VAV2: variants seen among roughly 807,000 people sequenced by gnomAD.
VAV2 encodes guanine nucleotide exchange factor VAV2.
A neutral mutation model predicts 132.5 loss-of-function variants in VAV2; 67 were observed. The ratio of observed to expected loss-of-function variants is 0.51; its 90% CI spans 0.42 to 0.62. VAV2 has a LOEUF of 0.62. Among genes scored for constraint, VAV2 ranks in the 20% least tolerant of loss-of-function variants. VAV2 has a pLI of 0.00. For missense variants in VAV2, 938 were observed against 1,153.6 expected, an observed-to-expected ratio of 0.81 and a Z score of 2.71; for synonymous variants, 492 against 443.5, an observed-to-expected ratio of 1.11 and a Z score of -1.37.
intron 2 of VAV2, among the ~76,000 whole-genome samples, chr9:133,925,591 A>G (rs922461413): frequency 4.6e-5 from 7 of 152,202 alleles, no homozygotes; most frequent in African/African-American, 1.7e-4. Flanking sequence ...CCAGGGGCAG[A>G]GTGGCCAAGG....
intron 26 of VAV2, among the ~76,000 whole-genome samples, chr9:133,771,429 G>C (rs546110481): frequency 2.0e-4 from 31 of 152,260 alleles, no homozygotes; most frequent in Admixed American, 4.6e-4. Context: ...CTAAGAGCCT[G>C]GGGGCTCTAA....
chr9:133,953,352 G>T (rs1461376638), intron 1 of VAV2, among the ~76,000 whole-genome samples: 1 of 152,216 alleles, frequency 6.6e-6, no homozygotes, highest in Non-Finnish European at 1.5e-5. Context: ...GGGATGAATG[G>T]GCACACAATG....
At chr9:133,973,234 G>GCCCAGCGCTCAGCCCGC (rs1319204438) in intron 1 of VAV2, among the ~76,000 whole-genome samples, 5 of 152,158 alleles carry the variant, frequency 3.3e-5, no homozygotes, top group African/African-American at 1.2e-4. Context: ...GGCCCGCCTG[G>GCCCAGCGCTCAGCCCGC]CCCAGCGCTC....
intron 1 of VAV2, among the ~76,000 whole-genome samples, chr9:133,941,558 T>C (rs1412530908): frequency 6.7e-6 from 1 of 149,030 alleles, no homozygotes; most frequent in Non-Finnish European, 1.5e-5. Flanking sequence ...CTGTTAATTC[T>C]GAAGAATACA....
intron 2 of VAV2, among the ~76,000 whole-genome samples, chr9:133,894,536 C>T (rs533672009): frequency 2.4e-4 from 36 of 152,188 alleles, no homozygotes; most frequent in African/African-American, 6.0e-4. Flanking sequence ...CTGCACAAGG[C>T]GGCTGTTGGG....
At chr9:133,864,277 A>G (rs1005375556) in intron 2 of VAV2, among the ~76,000 whole-genome samples, 1 of 152,188 alleles carries the variant, frequency 6.6e-6, no homozygotes, top group Non-Finnish European at 1.5e-5. Context: ...AGGAAAGACA[A>G]GAGGAATGAT....
chr9:133,776,478 G>A (rs1037607391), intron 23 of VAV2, among the ~76,000 whole-genome samples: 4 of 152,168 alleles, frequency 2.6e-5, no homozygotes, highest in Admixed American at 6.5e-5. Context: ...AGGTGCTGCC[G>A]CTCCAGTGAG....
intron 4 of VAV2, among the ~76,000 whole-genome samples, chr9:133,830,158 CAG>C (rs1368683302): frequency 6.6e-6 from 1 of 152,194 alleles, no homozygotes; most frequent in Non-Finnish European, 1.5e-5. Context: ...CAAACAGCTG[CAG>C]AGTGTCTGGG....
At chr9:133,815,058 C>T (rs1307609756) in intron 4 of VAV2, among the ~76,000 whole-genome samples, 3 of 152,076 alleles carry the variant, frequency 2.0e-5, no homozygotes, top group African/African-American at 7.2e-5. Context: ...CATCTGGAGC[C>T]CAAACATATT....
intron 1 of VAV2, among the ~76,000 whole-genome samples, chr9:133,953,573 T>G (rs1318229159): frequency 6.6e-6 from 1 of 152,026 alleles, no homozygotes; most frequent in Non-Finnish European, 1.5e-5. Context: ...GGAAGCAAAG[T>G]CCCCAGAGGG....
intron 1 of VAV2, among the ~76,000 whole-genome samples, chr9:133,984,249 C>T (rs1842785310): frequency 1.3e-5 from 2 of 152,070 alleles, no homozygotes; most frequent in Admixed American, 1.3e-4. Flanking sequence ...GCTGGGATTA[C>T]AGGCGTGAGC....
In VAV2 at chr9:133,838,167, G is replaced by A. The variant is rs115988916; in HGVS notation, c.381-3827C>T. ...GCCCTCCATGCCCATGCTACCTCTG[G>A]CCTTTGTACCTGCTCTGCTCTCTGC... is the stretch of plus-strand genomic sequence containing the variant. On this transcript the variant is annotated intron_variant, in intron 3 of 29. Transcript: ENST00000371850. 8.0e-3 allele frequency among the ~76,000 whole-genome samples: 1,215 copies of A among 152,026 alleles called. 14 individuals carry two copies. Among genetic ancestry groups the A allele is most frequent in the African/African-American group, 0.027 (1,133 of 41,444 alleles).
At chr9:133,987,792 G>A (rs886735789) in intron 1 of VAV2, among the ~76,000 whole-genome samples, 2 of 152,236 alleles carry the variant, frequency 1.3e-5, no homozygotes, top group African/African-American at 2.4e-5. Context: ...GTTAGGGTCA[G>A]CAGATTGTGG....
At chr9:133,803,650 A>G (rs1835024123) in intron 9 of VAV2, among the ~76,000 whole-genome samples, 1 of 152,138 alleles carries the variant, frequency 6.6e-6, no homozygotes, top group Non-Finnish European at 1.5e-5. Context: ...GTATAACCTC[A>G]AAAAGAGGGA....
At chr9:133,853,313 G>A (rs978167100) in intron 3 of VAV2, among the ~76,000 whole-genome samples, 1 of 152,038 alleles carries the variant, frequency 6.6e-6, no homozygotes, top group African/African-American at 2.4e-5. Flanking sequence ...CATGGGGAGA[G>A]GGTCCTCGGC....
chr9:133,867,251 T>C lies in VAV2; in HGVS notation c.322-5819A>G, dbSNP rs149723394. On this transcript the variant is annotated intron_variant, in intron 2 of 29. Transcript: ENST00000371850. ...GCCAGCATCAAGGCTCAACACCCAG[T>C]GCCCACCAGGCCTCCCTCCAGGAAG... Among the ~76,000 whole-genome samples, 365 of 152,342 alleles carry C rather than the reference T, an allele frequency of 2.4e-3. 4 individuals are homozygous for C. The highest frequency in any genetic ancestry group is 8.4e-3 in the African/African-American group (351 of 41,598).
At chr9:133,958,743 T>G (rs1452447604) in intron 1 of VAV2, among the ~76,000 whole-genome samples, 1 of 152,354 alleles carries the variant, frequency 6.6e-6, no homozygotes, top group East Asian at 1.9e-4. Flanking sequence ...ACCCCTTCAG[T>G]GGAGCCAACA....
At chr9:133,914,391 G>A (rs1170072119) in intron 2 of VAV2, among the ~76,000 whole-genome samples, 1 of 151,682 alleles carries the variant, frequency 6.6e-6, no homozygotes, top group Non-Finnish European at 1.5e-5. Context: ...CAGACGGATG[G>A]ATAAACAAAA....
intron 2 of VAV2, among the ~76,000 whole-genome samples, chr9:133,876,595 G>A (rs140923419): frequency 2.6e-5 from 4 of 152,352 alleles, no homozygotes; most frequent in African/African-American, 7.2e-5. Flanking sequence ...TGGGGCAGTG[G>A]GAGTGCAGGG....
Sources: allele counts gnomAD v4.1 joint callset (sites outside exome capture counted in the v4.1 genomes callset), GRCh38; gene constraint gnomAD v4.1.1; transcripts MANE v1.5; gene names NCBI Gene and HGNC (gene_info 2026-07-23, HGNC 2026-07-21).